SYN3: variants seen among roughly 807,000 people sequenced by gnomAD.
The protein encoded by SYN3 is synapsin III.
SYN3 carries 35 observed loss-of-function variants against 65.8 expected under a neutral mutation model. The observed-to-expected ratio is 0.53, with a 90% CI of 0.41 to 0.70. The LOEUF (loss-of-function observed/expected upper bound fraction) is 0.70. SYN3 is among the 30% of genes least tolerant of loss of function. The probability of loss-of-function intolerance (pLI) is 0.00; values close to 1 mark genes in which losing one functional copy is unlikely to be tolerated. For synonymous variants in SYN3, 270 were observed against 292.9 expected (o/e 0.92, Z 0.80); for missense variants, 680 against 749.0 (o/e 0.91, Z 1.08).
intron 6 of SYN3, among the ~76,000 whole-genome samples, chr22:32,818,658 G>A (rs557674929): frequency 1.3e-5 from 2 of 152,164 alleles, no homozygotes; most frequent in African/African-American, 2.4e-5. Context: ...TCTCCCCTCC[G>A]GCGCTGGGCC....
chr22:33,053,093 T>C (rs541867481), intron 1 of SYN3, among the ~76,000 whole-genome samples: 2 of 152,168 alleles, frequency 1.3e-5, no homozygotes, highest in South Asian at 2.1e-4. Flanking sequence ...CACTGAACAA[T>C]GGCTCCATAT....
chr22:32,790,229 T>C (rs1449334571), intron 6 of SYN3, among the ~76,000 whole-genome samples: 1 of 152,196 alleles, frequency 6.6e-6, no homozygotes, highest in Non-Finnish European at 1.5e-5. Context: ...ACCAAGGTAA[T>C]GTTCCTAAAT....
At position 32,820,492 on chromosome 22, in the gene SYN3, C is replaced by T. The variant is rs182527337; in HGVS notation, c.711+44423G>A. On this transcript the variant is annotated intron_variant, in intron 6 of 13. Coordinates refer to ENST00000358763, the MANE Select transcript of SYN3 (RefSeq NM_003490.4). ...CCTGCACCTGAAAGCCGTAACTCCC[C>T]GGCACCTGGCTGGTTGACTTCTTCC... is the stretch of plus-strand genomic sequence containing the variant. 2.6e-5 allele frequency among the ~76,000 whole-genome samples: 4 copies of T among 152,248 alleles called. No individual in the cohort carries two copies. The East Asian group carries it at 7.7e-4, about 29-fold the overall frequency.
intron 6 of SYN3, among the ~76,000 whole-genome samples, chr22:32,609,481 T>G (rs1269854208): frequency 4.6e-5 from 7 of 151,768 alleles, no homozygotes; most frequent in Middle Eastern, 3.4e-3. Context: ...CTGGTGTTTT[T>G]TTTTTTTTTT....
intron 6 of SYN3, among the ~76,000 whole-genome samples, chr22:32,679,839 C>CTTTTTTTTTTTTTTTGTTTTTTTT (rs2060498230): frequency 2.6e-5 from 1 of 39,148 alleles, no homozygotes. Context: ...TGTTTTTTGG[C>CTTTTTTTTTTTTTTTGTTTTTTTT]TTTTTTTTTT....
At position 33,035,725 on chromosome 22, in the gene SYN3, C is replaced by T. The variant is rs529922053; in HGVS notation, c.-163+22567G>A. Among the ~76,000 whole-genome samples the T allele has an allele frequency of 2.0e-4, 31 of 152,242 alleles. No homozygotes were observed. The South Asian group carries it at 5.8e-3, about 29-fold the overall frequency. On this transcript the variant is annotated intron_variant, in intron 1 of 13. Coordinates refer to ENST00000358763, the MANE Select transcript of SYN3 (RefSeq NM_003490.4). Reference sequence around the variant, plus strand: ...TCCTGAGTAGCTAGAACTATAGGCACGTACCACAAGGCCCAGATAATTTTT... The same window carrying T: ...TCCTGAGTAGCTAGAACTATAGGCATGTACCACAAGGCCCAGATAATTTTT...
chr22:33,046,653 C>T (rs377019146), intron 1 of SYN3, among the ~76,000 whole-genome samples: 18 of 151,880 alleles, frequency 1.2e-4, no homozygotes, highest in African/African-American at 4.4e-4. Flanking sequence ...CCAGCCTGGC[C>T]AACATGGTAA....
chr22:32,898,323 G>A (rs1449323875), intron 4 of SYN3, among the ~76,000 whole-genome samples: 3 of 151,976 alleles, frequency 2.0e-5, no homozygotes, highest in African/African-American at 4.8e-5. Flanking sequence ...TTGTAGAGAC[G>A]GGGTTTCACT....
chr22:32,514,843 C>T (rs566333277), intron 13 of SYN3, among the ~76,000 whole-genome samples: 47 of 152,234 alleles, frequency 3.1e-4, no homozygotes, highest in African/African-American at 1.1e-3. Flanking sequence ...GGTGAAACCC[C>T]GTCTCTACTA....
intron 6 of SYN3, among the ~76,000 whole-genome samples, chr22:32,686,029 A>T (rs2060584026): frequency 6.6e-6 from 1 of 152,158 alleles, no homozygotes; most frequent in Non-Finnish European, 1.5e-5. Flanking sequence ...CAGGAAACAC[A>T]CCCCAATTTC....
chr22:32,574,999 C>T (rs920374410), intron 7 of SYN3, among the ~76,000 whole-genome samples: 5 of 152,198 alleles, frequency 3.3e-5, no homozygotes, highest in Non-Finnish European at 7.3e-5. Context: ...TGTTTAGGAA[C>T]AATTTACTGA....
intron 6 of SYN3, among the ~76,000 whole-genome samples, chr22:32,795,289 A>G (rs1198496243): frequency 2.0e-5 from 3 of 152,262 alleles, no homozygotes; most frequent in Non-Finnish European, 4.4e-5. Flanking sequence ...TTATGTCACT[A>G]TTGAAATTGT....
At chr22:32,750,095 C>T (rs770346424) in intron 6 of SYN3, among the ~76,000 whole-genome samples, 8 of 151,962 alleles carry the variant, frequency 5.3e-5, no homozygotes, top group African/African-American at 9.7e-5. Flanking sequence ...GCTAGAGACA[C>T]GGTGGTGAAT....
At chr22:32,790,112 A>AGTG (rs2046287083) in intron 6 of SYN3, among the ~76,000 whole-genome samples, 1 of 152,226 alleles carries the variant, frequency 6.6e-6, no homozygotes, top group African/African-American at 2.4e-5. Flanking sequence ...AGGCAGTAGT[A>AGTG]AGCTGGTAAA....
chr22:32,988,583 G>C (rs566461980), intron 2 of SYN3, among the ~76,000 whole-genome samples: 2 of 151,962 alleles, frequency 1.3e-5, no homozygotes, highest in Non-Finnish European at 2.9e-5. Flanking sequence ...CTACCTAATG[G>C]GAGGGACAGA....
At chr22:32,527,895 CA>C (rs1273850060) in intron 12 of SYN3, 22 bp downstream of exon 12, 2 of 1,572,742 alleles carry the variant, frequency 1.3e-6, no homozygotes, top group African/African-American at 2.7e-5. Context: ...TGCTTTCTTG[CA>C]GTGGCTCGTC....
At chr22:32,569,533 ATCAATCTCTCTCTCTCTCTC>A (rs1273678163) in intron 7 of SYN3, among the ~76,000 whole-genome samples, 3 of 93,934 alleles carry the variant, frequency 3.2e-5, no homozygotes, top group Admixed American at 2.4e-4. Context: ...TCTAAAATCA[ATCAATCTCTCTCTCTCTCTC>A]TCTCTCTCTC....
intron 2 of SYN3, among the ~76,000 whole-genome samples, chr22:32,991,305 T>C (rs1445143079): frequency 2.0e-5 from 3 of 150,076 alleles, no homozygotes; most frequent in Admixed American, 6.6e-5. Flanking sequence ...ACCACTGCAC[T>C]CCAGCCTGGG....
intron 6 of SYN3, among the ~76,000 whole-genome samples, chr22:32,686,307 C>T (rs2060587582): frequency 6.6e-6 from 1 of 151,376 alleles, no homozygotes; most frequent in Admixed American, 6.6e-5. Flanking sequence ...CTGTATCCTG[C>T]AGTGACAGCT....
Sources: gnomAD v4.1 joint callset for allele counts (sites outside exome capture counted in the v4.1 genomes callset) on GRCh38, gnomAD v4.1.1 for gene constraint, MANE v1.5 for transcripts, NCBI Gene and HGNC (gene_info 2026-07-23, HGNC 2026-07-21) for gene names.